The following DEK variants were observed in gnomAD, a reference collection of about 807,000 sequenced individuals.
DEK encodes DEK proto-oncogene, also known as protein DEK.
In DEK, 28 loss-of-function variants were observed where a neutral mutation model predicts 46.8. That is an observed-to-expected ratio of 0.60 (90% CI 0.44 to 0.82). The LOEUF is 0.82. Among genes scored for constraint, DEK ranks in the 40% least tolerant of loss-of-function variants. DEK has a pLI of 0.00. For missense variants in DEK, 416 were observed against 430.6 expected (o/e 0.97, Z 0.30); for synonymous variants, 160 against 144.5 (o/e 1.11, Z -0.77).
At chr6:18,251,584 A>C (rs1438216902) in intron 6 of DEK, among the ~76,000 whole-genome samples, 1 of 152,240 alleles carries the variant, frequency 6.6e-6, no homozygotes, top group African/African-American at 2.4e-5. Flanking sequence ...AAGATTCTCT[A>C]TAAGAAATCG....
At chr6:18,247,507 G>A (rs1027571048) in intron 7 of DEK, among the ~76,000 whole-genome samples, 1 of 152,138 alleles carries the variant, frequency 6.6e-6, no homozygotes, top group African/African-American at 2.4e-5. Flanking sequence ...GGGCACTACA[G>A]AAGGTAAAGG....
Position 18,257,940 on chromosome 6 carries a change from A to G in DEK, c.357+13T>C. The G allele has an allele frequency of 1.9e-6, 3 of 1,569,702 alleles. No individual in the cohort carries two copies. Among genetic ancestry groups the G allele is most frequent in the Non-Finnish European group, 2.6e-6 (3 of 1,157,380 alleles). ...TAATATACAAGTAGGTTTAAAGTGT[A>G]AAAAGGTCTTACAGTGCCTGGCCTG... On this transcript the variant is annotated intron_variant, in intron 4 of 10. Coordinates refer to ENST00000652689, the MANE Select transcript of DEK (RefSeq NM_003472.4).
intron 6 of DEK, 71 bp downstream of exon 6, chr6:18,255,660 A>T: frequency 6.6e-7 from 1 of 1,514,884 alleles, no homozygotes. Context: ...TGCTGTTATT[A>T]ATCAATTTTT....
chr6:18,237,910 T>A, intron 7 of DEK, among the ~76,000 whole-genome samples: 1 of 136,710 alleles, frequency 7.3e-6, no homozygotes, highest in Admixed American at 7.9e-5. Context: ...TGCGTCACCC[T>A]GGCTGGAGTG....
intron 8 of DEK, chr6:18,237,159 A>G: frequency 2.4e-6 from 1 of 410,196 alleles, no homozygotes; most frequent in Non-Finnish European, 4.1e-6. Context: ...CCCATCCCCA[A>G]GATATCTCTC....
intron 1 of DEK, 68 bp from the exon 2 acceptor site, chr6:18,264,064 C>A (rs901275865): frequency 1.4e-6 from 2 of 1,411,938 alleles, no homozygotes; most frequent in Non-Finnish European, 1.9e-6. Flanking sequence ...GGCGGCCACC[C>A]TGAATGATGC....
intron 2 of DEK, 93 bp downstream of exon 2, chr6:18,263,750 A>C (rs1182189588): frequency 6.2e-7 from 1 of 1,606,876 alleles, no homozygotes; most frequent in Admixed American, 1.7e-5. Flanking sequence ...ACGCCTCTAA[A>C]CACCAAAAGA....
intron 7 of DEK, among the ~76,000 whole-genome samples, chr6:18,246,062 T>C (rs1317570174): frequency 6.6e-6 from 1 of 152,198 alleles, no homozygotes; most frequent in East Asian, 1.9e-4. Context: ...TCAACTAAAC[T>C]CCTTTAAAAT....
chr6:18,261,233 G>A (rs1334949258), intron 2 of DEK, among the ~76,000 whole-genome samples: 1 of 151,912 alleles, frequency 6.6e-6, no homozygotes, highest in African/African-American at 2.4e-5. Context: ...TGCAGTAAAA[G>A]GAGATAATTT....
chr6:18,233,755 T>TGCA (rs1561975649), intron 9 of DEK, among the ~76,000 whole-genome samples: 54 of 151,224 alleles, frequency 3.6e-4, no homozygotes, highest in African/African-American at 1.1e-3. Context: ...GGTGGGACTT[T>TGCA]AACTAGTTCA....
chr6:18,226,748 C>G (rs1790144409), intron 9 of DEK, among the ~76,000 whole-genome samples: 1 of 152,132 alleles, frequency 6.6e-6, no homozygotes, highest in Non-Finnish European at 1.5e-5. Flanking sequence ...GCACTGCATT[C>G]CAGCCTGGAC....
At chr6:18,261,785 C>T (rs1272717283) in intron 2 of DEK, among the ~76,000 whole-genome samples, 1 of 152,164 alleles carries the variant, frequency 6.6e-6, no homozygotes, top group African/African-American at 2.4e-5. Context: ...TCAGATGAAA[C>T]TCTGGACTTA....
At chr6:18,249,233 G>A (rs1004099086) in intron 7 of DEK, among the ~76,000 whole-genome samples, 2 of 152,070 alleles carry the variant, frequency 1.3e-5, no homozygotes, top group Non-Finnish European at 2.9e-5. Flanking sequence ...TTGAGGGGGG[G>A]AAAAAGGCCC....
intron 2 of DEK, among the ~76,000 whole-genome samples, chr6:18,262,269 C>A (rs1373527978): frequency 1.3e-5 from 2 of 151,364 alleles, no homozygotes; most frequent in Non-Finnish European, 2.9e-5. Context: ...AACTACCCTG[C>A]CTCAAGTGTT....
chr6:18,245,658 TCC>T (rs1454659248), intron 7 of DEK, among the ~76,000 whole-genome samples: 1 of 152,208 alleles, frequency 6.6e-6, no homozygotes, highest in Non-Finnish European at 1.5e-5. Flanking sequence ...ATGTACTATT[TCC>T]CCCTTTTTTC....
intron 9 of DEK, among the ~76,000 whole-genome samples, chr6:18,230,604 A>G (rs1414554245): frequency 1.3e-5 from 2 of 152,214 alleles, no homozygotes; most frequent in Non-Finnish European, 2.9e-5. Context: ...CAGACTTTAA[A>G]CCAACAAAGA....
At chr6:18,249,897 T>C (rs766175503) in intron 6 of DEK, 58 bp from the exon 7 acceptor site, 9 of 1,499,526 alleles carry the variant, frequency 6.0e-6, no homozygotes, top group African/African-American at 4.3e-5. Flanking sequence ...ATCAATTCTC[T>C]TCTTGAAAAC....
At position 18,255,624 on chromosome 6, in the gene DEK, T is replaced by G. The variant is rs145584622; in HGVS notation, c.573+107A>C. 3.7e-5 allele frequency: 48 copies of G among 1,296,050 alleles called. No homozygotes were observed. The East Asian group carries it at 1.0e-3, about 28-fold the overall frequency. 80.3% of individuals were successfully genotyped at this position (1,296,050 alleles called of 1,614,324 possible). A position where few individuals can be genotyped will look rare whatever the true frequency, so the allele number is the denominator to read the frequency against. Reference sequence around the variant, plus strand: ...CAACAGAAGGTATAGTCTTTGAATGTAGATATGAACGAATACTGACAGCAA... The same window carrying G: ...CAACAGAAGGTATAGTCTTTGAATGGAGATATGAACGAATACTGACAGCAA... On this transcript the variant is annotated intron_variant, in intron 6 of 10. Transcript: ENST00000652689.
chr6:18,245,771 T>G (rs1791087657), intron 7 of DEK, among the ~76,000 whole-genome samples: 1 of 152,258 alleles, frequency 6.6e-6, no homozygotes, highest in Non-Finnish European at 1.5e-5. Context: ...CAACGGCTCA[T>G]TGATACGGTT....
Sources: gnomAD v4.1 joint callset for allele counts (sites outside exome capture counted in the v4.1 genomes callset) on GRCh38, gnomAD v4.1.1 for gene constraint, MANE v1.5 for transcripts, NCBI Gene and HGNC (gene_info 2026-07-23, HGNC 2026-07-21) for gene names.